Variants in SLC17A1 observed in about 807,000 individuals in gnomAD.
SLC17A1 encodes sodium-dependent phosphate transport protein 1.
In SLC17A1, 51 loss-of-function variants were observed where a neutral mutation model predicts 53.5. That is an observed-to-expected ratio of 0.95 (90% CI 0.76 to 1.20). The LOEUF is 1.20. Among genes scored for constraint, SLC17A1 ranks in the 50% most tolerant of loss-of-function variants. The pLI is 0.00. For missense variants in SLC17A1, 538 were observed against 568.2 expected, an observed-to-expected ratio of 0.95 and a Z score of 0.54; for synonymous variants, 179 against 198.8, an observed-to-expected ratio of 0.90 and a Z score of 0.84.
intron 10 of SLC17A1, among the ~76,000 whole-genome samples, chr6:25,809,481 A>G (rs1764074605): frequency 1.3e-5 from 2 of 152,066 alleles, no homozygotes; most frequent in African/African-American, 4.8e-5. Flanking sequence ...ACAGTGAACT[A>G]TCCACACACA....
At chr6:25,726,755 G>A in the SLC17A1 span, 1 of 1,122,440 alleles carries the variant, frequency 8.9e-7, no homozygotes, top group Non-Finnish European at 1.3e-6. Context: ...TATAAATACC[G>A]CATCTTTCAT....
chr6:25,789,602 T>C (rs1038140216), intron 12 of SLC17A1, among the ~76,000 whole-genome samples: 4 of 152,118 alleles, frequency 2.6e-5, no homozygotes, highest in Non-Finnish European at 5.9e-5. Flanking sequence ...TATAATGACC[T>C]GAGAAGAACA....
the SLC17A1 span, among the ~76,000 whole-genome samples, chr6:25,763,017 C>A: frequency 1.1e-4 from 16 of 152,174 alleles, no homozygotes; most frequent in Admixed American, 1.0e-3. Context: ...AATCAGAATG[C>A]TTGAGTTTCC....
rs1384221496 is a variant in SLC17A1 at position 25,783,001 on chromosome 6, C to A, written c.*220G>T. The stretch of plus-strand genomic sequence containing the variant: ...AGAGGAAGACTGAGATAAATCACCA[C>A]CCCCATTTAAAATTCAGATATATTA... On this transcript the variant is annotated 3_prime_UTR_variant, in exon 13 of 13. Coordinates refer to ENST00000244527, the MANE Select transcript of SLC17A1 (RefSeq NM_005074.5). 6.6e-6 allele frequency: 1 copy of A among 152,098 alleles called. No individual in the cohort carries two copies. The highest frequency in any genetic ancestry group is 1.9e-4 in the East Asian group (1 of 5,196). The allele number at this position is 152,098 out of a possible 1,614,324, so 9.4% of individuals were successfully genotyped here.
In SLC17A1 at chr6:25,823,801, T is replaced by C. The variant is rs959673988; in HGVS notation, c.207+2660A>G. Among the ~76,000 whole-genome samples the C allele has an allele frequency of 3.9e-5, 6 of 152,100 alleles. No individual in the cohort carries two copies. In the East Asian group the frequency reaches 1.2e-3, roughly 29 times the overall value. On this transcript the variant is annotated intron_variant, in intron 3 of 12. Transcript: ENST00000244527. ...AAGTTCAGTTTTATGTTTGTTCTTT[T>C]GCATATCTTGAAAAATCAGTTGTTC...
downstream of SLC17A1, chr6:25,779,326 C>A: frequency 1.6e-6 from 2 of 1,246,110 alleles, no homozygotes; most frequent in East Asian, 2.5e-5. Context: ...TTTACCATGC[C>A]TGGAAATTTT....
intron 12 of SLC17A1, among the ~76,000 whole-genome samples, chr6:25,791,997 G>A (rs1032326457): frequency 2.0e-5 from 3 of 152,150 alleles, no homozygotes; most frequent in African/African-American, 7.2e-5. Context: ...TTTACATAGT[G>A]AACAAATGTG....
At chr6:25,757,569 C>T in the SLC17A1 span, among the ~76,000 whole-genome samples, 1 of 152,110 alleles carries the variant, frequency 6.6e-6, no homozygotes, top group Admixed American at 6.5e-5. Flanking sequence ...ACCCGCTGCT[C>T]CAGTTTGGGC....
the SLC17A1 span, among the ~76,000 whole-genome samples, chr6:25,754,194 T>C: frequency 3.3e-5 from 5 of 152,210 alleles, no homozygotes; most frequent in African/African-American, 9.6e-5. Flanking sequence ...AGAATGCAAA[T>C]ATGTATGAGT....
the SLC17A1 span, among the ~76,000 whole-genome samples, chr6:25,760,216 T>A: frequency 3.9e-4 from 60 of 152,350 alleles, 2 homozygotes; most frequent in East Asian, 0.011. Context: ...TTTTCCCATG[T>A]TTGTTCTTAA....
the SLC17A1 span, among the ~76,000 whole-genome samples, chr6:25,775,392 C>T: frequency 6.6e-6 from 1 of 151,494 alleles, no homozygotes; most frequent in Non-Finnish European, 1.5e-5. Flanking sequence ...TCTGCCCTGT[C>T]CTCCCAGCCC....
At chr6:25,811,885 T>A (rs1048352525) in intron 8 of SLC17A1, 115 bp from the exon 9 acceptor site, 2 of 1,121,990 alleles carry the variant, frequency 1.8e-6, no homozygotes, top group Admixed American at 4.2e-5. Context: ...ATATAGGAAA[T>A]CATCAACATA....
the SLC17A1 span, chr6:25,726,239 G>A: frequency 2.5e-6 from 4 of 1,613,692 alleles, no homozygotes; most frequent in African/African-American, 2.7e-5. Flanking sequence ...CCGCCCAAAA[G>A]CTTATTGAGT....
the SLC17A1 span, among the ~76,000 whole-genome samples, chr6:25,749,042 T>C: frequency 2.0e-5 from 3 of 152,066 alleles, no homozygotes; most frequent in South Asian, 6.2e-4. Flanking sequence ...CTTTTACTAA[T>C]CCTCCTCAGC....
the SLC17A1 span, chr6:25,770,032 A>G: frequency 6.3e-7 from 1 of 1,592,960 alleles, no homozygotes; most frequent in Non-Finnish European, 8.6e-7. Flanking sequence ...CAATCCTTCA[A>G]CTAAAGACAA....
chr6:25,727,368 C>A, the SLC17A1 span: 4 of 1,289,194 alleles, frequency 3.1e-6, no homozygotes, highest in East Asian at 9.6e-5. Flanking sequence ...CAGCTGTGGG[C>A]TTCGTTTTTG....
chr6:25,740,544 A>G, the SLC17A1 span, among the ~76,000 whole-genome samples: 2 of 152,182 alleles, frequency 1.3e-5, no homozygotes, highest in African/African-American at 2.4e-5. Context: ...AAGTTGCAAA[A>G]AATTTAACCA....
intron 12 of SLC17A1, among the ~76,000 whole-genome samples, chr6:25,789,512 G>C (rs1298636335): frequency 6.6e-6 from 1 of 152,122 alleles, no homozygotes; most frequent in Non-Finnish European, 1.5e-5. Flanking sequence ...GAGTAACTTT[G>C]CAGAGGCAAA....
chr6:25,825,295 C>T (rs183366289), intron 3 of SLC17A1, among the ~76,000 whole-genome samples: 8 of 142,422 alleles, frequency 5.6e-5, no homozygotes, highest in Admixed American at 2.1e-4. Context: ...GCAGTAAATT[C>T]GTATATATGA....
Sources: allele counts gnomAD v4.1 joint callset (sites outside exome capture counted in the v4.1 genomes callset), GRCh38; gene constraint gnomAD v4.1.1; transcripts MANE v1.5; gene names NCBI Gene and HGNC (gene_info 2026-07-23, HGNC 2026-07-21).